The following AFAP1 variants were observed in gnomAD, a reference collection of about 807,000 sequenced individuals.
AFAP1 encodes the protein actin filament-associated protein 1.
AFAP1 carries 75 observed loss-of-function variants against 93.9 expected under a neutral mutation model. The ratio of observed to expected loss-of-function variants is 0.80; its 90% confidence interval spans 0.66 to 0.97. AFAP1 has a LOEUF of 0.97. AFAP1 is among the 50% of genes least tolerant of loss of function. AFAP1 has a pLI of 0.00. For synonymous variants in AFAP1, 517 were observed against 430.7 expected, an observed-to-expected ratio of 1.20 and a Z score of -2.48; for missense variants, 1,201 against 1,050.8, an observed-to-expected ratio of 1.14 and a Z score of -1.98.
At chr4:7,837,431 TG>T (rs1712440553) in intron 6 of AFAP1, among the ~76,000 whole-genome samples, 1 of 152,162 alleles carries the variant, frequency 6.6e-6, no homozygotes, top group African/African-American at 2.4e-5. Flanking sequence ...AGGACACAGA[TG>T]GAAGATGCCA....
chr4:7,797,526 C>T (rs1247875090), intron 10 of AFAP1, among the ~76,000 whole-genome samples: 1 of 152,186 alleles, frequency 6.6e-6, no homozygotes, highest in Non-Finnish European at 1.5e-5. Flanking sequence ...TAACAGCAGA[C>T]GCGCCCAAAC....
chr4:7,841,564 G>A (rs569685004), intron 5 of AFAP1, among the ~76,000 whole-genome samples: 1 of 152,324 alleles, frequency 6.6e-6, no homozygotes, highest in East Asian at 1.9e-4. Context: ...ACATTTAGGG[G>A]AAGAACATGG....
At chr4:7,859,314 G>C (rs567373370) in intron 3 of AFAP1, among the ~76,000 whole-genome samples, 179 of 152,208 alleles carry the variant, frequency 1.2e-3, no homozygotes, top group African/African-American at 4.1e-3. Context: ...AGCTACTCAG[G>C]AGGCTGAGGC....
In AFAP1 at chr4:7,883,157, G is replaced by C. The variant is rs931544901; in HGVS notation, c.-2-11077C>G. Among the ~76,000 whole-genome samples the C allele has an allele frequency of 5.7e-4, 75 of 130,648 alleles. 2 individuals carry two copies. Among genetic ancestry groups the C allele is most frequent in the Admixed American group, 1.8e-4 (2 of 11,148 alleles). The allele number at this position is 130,648 out of a possible 152,430, so 85.7% of individuals were successfully genotyped here. ...GCCATAAGCGCATCACTGCACTCCA[G>C]CCTGGGCAACAGAGTGAAACCCTAT... On this transcript the variant is annotated intron_variant, in intron 1 of 17. Coordinates refer to ENST00000420658, the MANE Select transcript of AFAP1 (RefSeq NM_001134647.2).
rs756489439 is a variant in AFAP1, at chr4:7,855,539, G to A, written c.261C>T (p.Ser87=). Reference sequence around the variant, plus strand: ...CCTCATAATAACCTTCTGGGAGGGAGGATGTTGGCAATGGTGGAGGCCCAC... The same window carrying A: ...CCTCATAATAACCTTCTGGGAGGGAAGATGTTGGCAATGGTGGAGGCCCAC... The part of the protein sequence containing the change: ...PDSGPPPLPT[S]SLPEGYYEEA... The change falls in exon 4 of 18, where the codon TCC becomes TCT. Residue 87 remains serine (S), a synonymous_variant. Coordinates refer to ENST00000420658, the MANE Select transcript of AFAP1 (RefSeq NM_001134647.2). 9.9e-6 allele frequency: 16 copies of A among 1,613,936 alleles called. No homozygotes were observed. The Admixed American group carries it at 2.3e-4, about 24-fold the overall frequency.
chr4:7,876,975 T>G (rs1173511234), intron 1 of AFAP1, among the ~76,000 whole-genome samples: 1 of 152,222 alleles, frequency 6.6e-6, no homozygotes, highest in Non-Finnish European at 1.5e-5. Flanking sequence ...TCTTCCAGCC[T>G]TCCAGCCTTC....
At chr4:7,897,715 G>C (rs1718870839) in intron 1 of AFAP1, among the ~76,000 whole-genome samples, 1 of 152,000 alleles carries the variant, frequency 6.6e-6, no homozygotes, top group Non-Finnish European at 1.5e-5. Flanking sequence ...GTAGAGATGG[G>C]GCTTCACCAT....
rs10050114 is a variant in AFAP1 at position 7,762,774 on chromosome 4, T to A, written c.*991A>T. Reference sequence around the variant, plus strand: ...AATTCCTGCCTCTTGCTCTAAGGTGTTATAGTTCCATGAGCGAACAAATTC... The same window carrying A: ...AATTCCTGCCTCTTGCTCTAAGGTGATATAGTTCCATGAGCGAACAAATTC... On this transcript the variant is annotated 3_prime_UTR_variant, in exon 18 of 18. Coordinates refer to ENST00000420658, the MANE Select transcript of AFAP1 (RefSeq NM_001134647.2). 0.14 allele frequency: 21,035 copies of A among 152,268 alleles called. 1,474 individuals are homozygous for A. Among genetic ancestry groups the A allele is most frequent in the Admixed American group, 0.16 (2,487 of 15,290 alleles). The allele number at this position is 152,268 out of a possible 1,614,324, so 9.4% of individuals were successfully genotyped here. A position where few individuals can be genotyped will look rare whatever the true frequency, so the allele number is the denominator to read the frequency against.
At chr4:7,765,905 C>T (rs546148397) in intron 17 of AFAP1, among the ~76,000 whole-genome samples, 4 of 152,288 alleles carry the variant, frequency 2.6e-5, no homozygotes, top group Admixed American at 6.5e-5. Context: ...CCACAGCGCC[C>T]GGCCACCAAA....
chr4:7,939,271 G>C lies in AFAP1; in HGVS notation c.-3+385C>G, dbSNP rs560404370. ...GACGAAGCAGTCTCGCTACGGGGGA[G>C]GGCGGCGGAGCCTCCCACTCTTGGT... On this transcript the variant is annotated intron_variant, in intron 1 of 17. Coordinates refer to ENST00000420658, the MANE Select transcript of AFAP1 (RefSeq NM_001134647.2). The surrounding 1 kb of genome is among the most constrained non-coding windows in gnomAD (Gnocchi z 5.6). 61 of 312,956 alleles carry C rather than the reference G, an allele frequency of 1.9e-4. No homozygotes were observed. The highest frequency in any genetic ancestry group is 1.5e-3 in the South Asian group (61 of 41,964). The allele number at this position is 312,956 out of a possible 1,614,324, so 19.4% of individuals were successfully genotyped here.
rs946934858 is a variant in AFAP1, at chr4:7,939,784, C to A, written c.-131G>T. On this transcript the variant is annotated 5_prime_UTR_variant, in exon 1 of 18. It adds an upstream start codon to the 5' untranslated region. Transcript: ENST00000420658. This position sits in a 1 kb window ranked among gnomAD's most constrained non-coding sequence, Gnocchi z 5.6. ...CCCGGGGCGGGGCCGCCGCCGCCGCCTCAGCCCGTGTACCCCGCTCGAGAT... is the reference window on the plus strand; with the variant it reads ...CCCGGGGCGGGGCCGCCGCCGCCGCATCAGCCCGTGTACCCCGCTCGAGAT... 1.1e-4 allele frequency: 41 copies of A among 388,010 alleles called. No individual in the cohort carries two copies. The East Asian group carries it at 1.7e-3, about 16-fold the overall frequency. The allele number at this position is 388,010 out of a possible 1,614,324, so 24.0% of individuals were successfully genotyped here. A position where few individuals can be genotyped will look rare whatever the true frequency, so the allele number is the denominator to read the frequency against.
At chr4:7,782,232 G>A (rs950534270) in intron 12 of AFAP1, among the ~76,000 whole-genome samples, 1 of 152,258 alleles carries the variant, frequency 6.6e-6, no homozygotes, top group Non-Finnish European at 1.5e-5. Context: ...GCAGAGCGGA[G>A]GGAAGGGCGC....
At chr4:7,770,063 G>A (rs1184547230) in intron 16 of AFAP1, among the ~76,000 whole-genome samples, 2 of 152,244 alleles carry the variant, frequency 1.3e-5, no homozygotes, top group Non-Finnish European at 2.9e-5. Flanking sequence ...GGCCTGGGCT[G>A]CAGCGGTGCA....
In AFAP1 at chr4:7,762,587, C is replaced by T. The variant is rs1400503590; in HGVS notation, c.*1178G>A. On this transcript the variant is annotated 3_prime_UTR_variant, in exon 18 of 18. Coordinates refer to ENST00000420658, the MANE Select transcript of AFAP1 (RefSeq NM_001134647.2). ...TTTTTTCCTTTATGCCTTAGGCATC[C>T]AAATTCTCCAAGAAATATTGCACAG... The T allele has an allele frequency of 6.6e-6, 1 of 152,194 alleles. No individual in the cohort carries two copies. The highest frequency in any genetic ancestry group is 2.4e-5 in the African/African-American group (1 of 41,440). 9.4% of individuals were successfully genotyped at this position (152,194 alleles called of 1,614,324 possible).
chr4:7,855,337 G>A, intron 4 of AFAP1, 129 bp downstream of exon 4: 1 of 684,122 alleles, frequency 1.5e-6, no homozygotes, highest in Non-Finnish European at 2.4e-6. Context: ...ATCTCTTTGG[G>A]TTCAAAAAGT....
At chr4:7,777,610 T>C (rs1442273967) in intron 14 of AFAP1, 1 of 152,216 alleles carries the variant, frequency 6.6e-6, no homozygotes, top group African/African-American at 2.4e-5. Context: ...GCTGGCCTCA[T>C]CTTCGTTAGC....
At chr4:7,881,658 C>T (rs539014285) in intron 1 of AFAP1, among the ~76,000 whole-genome samples, 1 of 152,262 alleles carries the variant, frequency 6.6e-6, no homozygotes, top group Non-Finnish European at 1.5e-5. Context: ...TGGCACACGC[C>T]TGTAGTCCCA....
intron 1 of AFAP1, among the ~76,000 whole-genome samples, chr4:7,920,897 G>T (rs4627847): frequency 0.57 from 87,302 of 151,908 alleles, 27,979 homozygotes; most frequent in African/African-American, 0.84. Context: ...AGGTTTATAG[G>T]CTAGGAGAGG....
At chr4:7,881,778 C>T (rs1717863008) in intron 1 of AFAP1, among the ~76,000 whole-genome samples, 1 of 130,508 alleles carries the variant, frequency 7.7e-6, no homozygotes, top group Non-Finnish European at 1.8e-5. Flanking sequence ...GAGACTCCAT[C>T]TCAAAAAAAA....
Sources: allele counts gnomAD v4.1 joint callset (sites outside exome capture counted in the v4.1 genomes callset), GRCh38; gene constraint gnomAD v4.1.1; non-coding constraint Gnocchi (gnomAD v3.1); transcripts MANE v1.5; gene names NCBI Gene and HGNC (gene_info 2026-07-23, HGNC 2026-07-21).